The following NHEJ1 variants were observed in gnomAD, a reference collection of about 807,000 sequenced individuals.
The protein encoded by NHEJ1 is non-homologous end-joining factor 1.
A neutral mutation model predicts 39.4 loss-of-function variants in NHEJ1; 22 were observed. That is an observed-to-expected ratio of 0.56 (90% CI 0.40 to 0.80). The LOEUF (loss-of-function observed/expected upper bound fraction) is 0.80, where lower values mean the gene tolerates loss of function less well. Among genes scored for constraint, NHEJ1 ranks in the 30% least tolerant of loss-of-function variants. The pLI, the probability that NHEJ1 is intolerant of heterozygous loss-of-function variation, is 0.00. For synonymous variants in NHEJ1, 154 were observed against 135.6 expected (o/e 1.14, Z -0.94); for missense variants, 329 against 357.1 (o/e 0.92, Z 0.63).
intron 5 of NHEJ1, among the ~76,000 whole-genome samples, chr2:219,080,552 T>TAAAA (rs1949053486): frequency 7.6e-6 from 1 of 130,920 alleles, no homozygotes; most frequent in African/African-American, 3.3e-5. Flanking sequence ...TAAATAAAAA[T>TAAAA]ATATATATAT....
intron 5 of NHEJ1, among the ~76,000 whole-genome samples, chr2:219,080,417 C>A (rs566779635): frequency 5.6e-4 from 85 of 151,628 alleles, no homozygotes; most frequent in African/African-American, 2.0e-3. Context: ...CCCAGCTGCT[C>A]GGGAGGCTGA....
At chr2:219,128,424 A>G (rs537449473) in intron 5 of NHEJ1, among the ~76,000 whole-genome samples, 1 of 152,256 alleles carries the variant, frequency 6.6e-6, no homozygotes, top group African/African-American at 2.4e-5. Flanking sequence ...GGAAGAGGAT[A>G]GGTCTGGTGG....
chr2:219,155,539 C>T (rs764328603), intron 3 of NHEJ1, among the ~76,000 whole-genome samples: 5 of 151,816 alleles, frequency 3.3e-5, no homozygotes, highest in Non-Finnish European at 7.4e-5. Context: ...TGAGTATATG[C>T]TAAGTACTGT....
At chr2:219,108,373 T>C (rs1949332555) in intron 5 of NHEJ1, among the ~76,000 whole-genome samples, 1 of 152,136 alleles carries the variant, frequency 6.6e-6, no homozygotes, top group African/African-American at 2.4e-5. Context: ...GAGTGAAAGA[T>C]AGGTTTTGGC....
Position 219,076,446 on chromosome 2 carries a change from C to G in NHEJ1, c.835G>C (p.Gly279Arg), listed in dbSNP as rs1238282553. The change falls in exon 8 of 8, where the codon GGC becomes CGC. Residue 279 changes from glycine (G) to arginine (R), a missense_variant. Coordinates refer to ENST00000356853, the MANE Select transcript of NHEJ1 (RefSeq NM_024782.3). ...GACAGCTGAGGTCTCTGCAGAGGGCCTGAAGTACCCTAGAAAAAAGGGAAC... is the reference window on the plus strand; with the variant it reads ...GACAGCTGAGGTCTCTGCAGAGGGCGTGAAGTACCCTAGAAAAAAGGGAAC... Reference protein sequence around the residue: ...APEKESTGTSGPLQRPQLSKV... With the variant: ...APEKESTGTSRPLQRPQLSKV... The G allele has an allele frequency of 6.2e-7, 1 of 1,613,852 alleles. No homozygotes were observed. The highest frequency in any genetic ancestry group is 8.5e-7 in the Non-Finnish European group (1 of 1,179,998).
rs1401417572 is a variant in NHEJ1, at chr2:219,070,089, GCT to G, written c.*6290_*6291del. ...CACCAACAGGGGCATTATGCTCCTT[GCT>G]GAATGGCCACAAACTGCCTGTGTTC... On this transcript the variant is annotated 3_prime_UTR_variant, in exon 8 of 8. Coordinates refer to ENST00000356853, the MANE Select transcript of NHEJ1 (RefSeq NM_024782.3). Among the ~76,000 whole-genome samples, 5 of 152,222 alleles carry G rather than the reference GCT, an allele frequency of 3.3e-5. No individual in the cohort carries two copies. Among genetic ancestry groups the G allele is most frequent in the Non-Finnish European group, 7.3e-5 (5 of 68,048 alleles).
intron 5 of NHEJ1, among the ~76,000 whole-genome samples, chr2:219,103,155 A>G (rs554732229): frequency 1.3e-4 from 19 of 146,924 alleles, no homozygotes; most frequent in Admixed American, 9.4e-4. Context: ...CACTCTTTAT[A>G]AAAAAAAGCA....
chr2:219,138,063 C>T (rs1215904062), intron 5 of NHEJ1, among the ~76,000 whole-genome samples: 1 of 152,110 alleles, frequency 6.6e-6, no homozygotes, highest in Non-Finnish European at 1.5e-5. Flanking sequence ...TCCTTTTTTA[C>T]GATGCCCACA....
rs1041464293 is a variant in NHEJ1 at position 219,103,186 on chromosome 2, A to C, written c.589-24980T>G. 1.7e-4 allele frequency among the ~76,000 whole-genome samples: 26 copies of C among 150,154 alleles called. 1 individual carries two copies. Among genetic ancestry groups the C allele is most frequent in the African/African-American group, 5.9e-4 (24 of 40,466 alleles). On this transcript the variant is annotated intron_variant, in intron 5 of 7. Coordinates refer to ENST00000356853, the MANE Select transcript of NHEJ1 (RefSeq NM_024782.3). Reference sequence around the variant, plus strand: ...AAGCAAAAACGGGAAAAAAAAAAAAACTGAAAACTGTTTTCAGATTAGGTT... The same window carrying C: ...AAGCAAAAACGGGAAAAAAAAAAAACCTGAAAACTGTTTTCAGATTAGGTT...
In NHEJ1 at chr2:219,158,532, C is replaced by T. The variant is rs543880115; in HGVS notation, c.1-170G>A. On this transcript the variant is annotated intron_variant, in intron 1 of 7. Coordinates refer to ENST00000356853, the MANE Select transcript of NHEJ1 (RefSeq NM_024782.3). The stretch of plus-strand genomic sequence containing the variant: ...TACAACCAGCTGAGCACTGACTTTA[C>T]TACCTCCTGGCCACTAAAAGTATAT... 7.8e-4 allele frequency among the ~76,000 whole-genome samples: 119 copies of T among 152,236 alleles called. No homozygotes were observed. The South Asian group carries it at 0.023, about 29-fold the overall frequency.
intron 5 of NHEJ1, among the ~76,000 whole-genome samples, chr2:219,081,193 T>C (rs895262665): frequency 2.0e-5 from 3 of 152,152 alleles, no homozygotes; most frequent in African/African-American, 2.4e-5. Context: ...TTCCCCATTA[T>C]CACGGATTCC....
intron 5 of NHEJ1, among the ~76,000 whole-genome samples, chr2:219,135,958 G>A (rs1574733975): frequency 1.3e-5 from 2 of 152,272 alleles, no homozygotes; most frequent in Middle Eastern, 3.4e-3. Context: ...CCCCTGGAGC[G>A]CAGTCTGTTA....
chr2:219,153,877 C>T (rs1949823799), intron 3 of NHEJ1, among the ~76,000 whole-genome samples: 1 of 152,178 alleles, frequency 6.6e-6, no homozygotes, highest in African/African-American at 2.4e-5. Flanking sequence ...AGTTAAGCTG[C>T]ATAATGTCTC....
At chr2:219,155,747 C>T (rs536279830) in intron 3 of NHEJ1, among the ~76,000 whole-genome samples, 10 of 145,004 alleles carry the variant, frequency 6.9e-5, no homozygotes, top group Non-Finnish European at 1.2e-4. Context: ...ACGATGAAAC[C>T]CTGTCTCTAC....
Position 219,070,187 on chromosome 2 carries a change from T to C in NHEJ1, c.*6194A>G, listed in dbSNP as rs191627099. On this transcript the variant is annotated 3_prime_UTR_variant, in exon 8 of 8. Transcript: ENST00000356853. ...AGGCGCACATCACCACACTAATTTTTTTTTTATTTTTATTTTTGAGATGGA... is the reference window on the plus strand; with the variant it reads ...AGGCGCACATCACCACACTAATTTTCTTTTTATTTTTATTTTTGAGATGGA... Among the ~76,000 whole-genome samples the C allele has an allele frequency of 6.6e-6, 1 of 152,166 alleles. No individual in the cohort carries two copies. Among genetic ancestry groups the C allele is most frequent in the Admixed American group, 6.5e-5 (1 of 15,292 alleles).
intron 5 of NHEJ1, among the ~76,000 whole-genome samples, chr2:219,136,286 CTTTTT>C (rs36102678): frequency 7.9e-6 from 1 of 125,844 alleles, no homozygotes; most frequent in Admixed American, 8.0e-5. Context: ...CACTTGGTTT[CTTTTT>C]TTTTTTTTTT....
intron 5 of NHEJ1, among the ~76,000 whole-genome samples, chr2:219,093,257 A>T (rs1423536233): frequency 6.6e-6 from 1 of 152,160 alleles, no homozygotes; most frequent in Non-Finnish European, 1.5e-5. Flanking sequence ...CCTGGCAGGC[A>T]GGGCGACTAA....
At chr2:219,087,882 TCATTTCCAAAATA>T (rs1949125773) in intron 5 of NHEJ1, among the ~76,000 whole-genome samples, 2 of 152,114 alleles carry the variant, frequency 1.3e-5, no homozygotes, top group Non-Finnish European at 2.9e-5. Context: ...AACAAAGAAC[TCATTTCCAAAATA>T]TATTAAAAAC....
chr2:219,136,324 T>C (rs1243178568), intron 5 of NHEJ1, among the ~76,000 whole-genome samples: 1 of 150,982 alleles, frequency 6.6e-6, no homozygotes, highest in Non-Finnish European at 1.5e-5. Flanking sequence ...GGTCTCGCTT[T>C]GTCGCTCAGG....
Sources: allele counts gnomAD v4.1 joint callset (sites outside exome capture counted in the v4.1 genomes callset), GRCh38; gene constraint gnomAD v4.1.1; transcripts MANE v1.5; gene names NCBI Gene and HGNC (gene_info 2026-07-23, HGNC 2026-07-21).